The following CDH18 variants were observed in gnomAD, a reference collection of about 807,000 sequenced individuals.
The protein encoded by CDH18 is cadherin-18.
In CDH18, 31 loss-of-function variants were observed where a neutral mutation model predicts 67.9. That is an observed-to-expected ratio of 0.46 (90% CI 0.34 to 0.62). CDH18 has a LOEUF of 0.62. CDH18 is among the 20% of genes least tolerant of loss of function. CDH18 has a pLI of 0.01. For synonymous variants in CDH18, 362 were observed against 347.2 expected, an observed-to-expected ratio of 1.04 and a Z score of -0.48; for missense variants, 890 against 975.5, an observed-to-expected ratio of 0.91 and a Z score of 1.17.
intron 2 of CDH18, among the ~76,000 whole-genome samples, chr5:20,241,132 TAA>T (rs1242869178): frequency 1.3e-5 from 2 of 152,186 alleles, no homozygotes; most frequent in African/African-American, 2.4e-5. Flanking sequence ...AACACAAATA[TAA>T]AAAAGTGTCT....
intron 1 of CDH18, among the ~76,000 whole-genome samples, chr5:20,422,686 T>A (rs992751347): frequency 2.6e-5 from 4 of 151,142 alleles, no homozygotes; most frequent in Non-Finnish European, 5.9e-5. Context: ...TTAATGATAA[T>A]ATGTGGCATT....
chr5:19,658,332 T>A (rs1460920213), intron 5 of CDH18, among the ~76,000 whole-genome samples: 1 of 152,120 alleles, frequency 6.6e-6, no homozygotes, highest in Non-Finnish European at 1.5e-5. Context: ...AAATGATGAC[T>A]TACTGCAACA....
intron 2 of CDH18, among the ~76,000 whole-genome samples, chr5:20,102,079 C>A (rs183812211): frequency 6.6e-6 from 1 of 152,044 alleles, no homozygotes; most frequent in Admixed American, 6.6e-5. Flanking sequence ...TCGGAAAAAA[C>A]AAAAACAAAC....
intron 1 of CDH18, among the ~76,000 whole-genome samples, chr5:20,264,668 T>C (rs2126643394): frequency 6.6e-6 from 1 of 152,174 alleles, no homozygotes; most frequent in South Asian, 2.1e-4. Flanking sequence ...TATCTAAAGT[T>C]TTCTATATGA....
intron 2 of CDH18, among the ~76,000 whole-genome samples, chr5:20,190,893 T>G (rs1463083393): frequency 6.6e-6 from 1 of 152,114 alleles, no homozygotes; most frequent in Admixed American, 6.6e-5. Flanking sequence ...TAATAATCCT[T>G]TATGATCTAA....
At chr5:19,510,119 C>T (rs1301495913) in intron 10 of CDH18, among the ~76,000 whole-genome samples, 1 of 152,138 alleles carries the variant, frequency 6.6e-6, no homozygotes, top group Non-Finnish European at 1.5e-5. Flanking sequence ...AACAGTCACA[C>T]AGCCTGGCAA....
chr5:20,097,840 T>A (rs903903697), intron 2 of CDH18, among the ~76,000 whole-genome samples: 1 of 152,176 alleles, frequency 6.6e-6, no homozygotes, highest in Non-Finnish European at 1.5e-5. Context: ...ATATAAAAAT[T>A]ACTGTTGCAA....
Position 20,321,912 on chromosome 5 carries a change from C to T in CDH18, c.-579-66407G>A, listed in dbSNP as rs79769718. On this transcript the variant is annotated intron_variant, in intron 1 of 14. Transcript: ENST00000507958. ...CCTAACATGAGCAGAGCAAATCCTTCAGTTTTTACAAATTTGCCCAAAGCC... is the reference window on the plus strand; with the variant it reads ...CCTAACATGAGCAGAGCAAATCCTTTAGTTTTTACAAATTTGCCCAAAGCC... Among the ~76,000 whole-genome samples, 692 of 152,236 alleles carry T rather than the reference C, an allele frequency of 4.5e-3. 9 individuals are homozygous for T. The highest frequency in any genetic ancestry group is 0.016 in the African/African-American group (662 of 41,562).
intron 1 of CDH18, among the ~76,000 whole-genome samples, chr5:20,448,054 C>G (rs1292446817): frequency 6.6e-6 from 1 of 151,762 alleles, no homozygotes; most frequent in Non-Finnish European, 1.5e-5. Context: ...CGTCCCCTCT[C>G]CCCCCACCCC....
At chr5:19,546,514 T>G (rs547101778) in intron 8 of CDH18, among the ~76,000 whole-genome samples, 83 of 152,332 alleles carry the variant, frequency 5.4e-4, no homozygotes, top group African/African-American at 1.9e-3. Context: ...ACAGGGATGC[T>G]TCTTCCATTT....
intron 2 of CDH18, among the ~76,000 whole-genome samples, chr5:20,174,591 A>G (rs1185314219): frequency 6.6e-6 from 1 of 152,200 alleles, no homozygotes; most frequent in African/African-American, 2.4e-5. Context: ...ATGCTAATTT[A>G]AAGCCTTGAG....
chr5:20,024,248 T>C (rs1187847766), intron 2 of CDH18, among the ~76,000 whole-genome samples: 1 of 152,200 alleles, frequency 6.6e-6, no homozygotes, highest in Non-Finnish European at 1.5e-5. Flanking sequence ...GGCCAAAAAC[T>C]TTCTTTAGAG....
intron 1 of CDH18, among the ~76,000 whole-genome samples, chr5:20,412,778 T>C (rs1746902773): frequency 6.6e-6 from 1 of 152,220 alleles, no homozygotes; most frequent in South Asian, 2.1e-4. Context: ...AAAGCCACAA[T>C]GAGATACCAT....
At chr5:19,893,580 CTCTT>C (rs1442193115) in intron 2 of CDH18, among the ~76,000 whole-genome samples, 1 of 152,134 alleles carries the variant, frequency 6.6e-6, no homozygotes, top group Non-Finnish European at 1.5e-5. Flanking sequence ...CATTTTCTCT[CTCTT>C]TCTCTCTCTC....
intron 2 of CDH18, among the ~76,000 whole-genome samples, chr5:20,146,786 G>C (rs938690034): frequency 1.3e-5 from 2 of 151,818 alleles, no homozygotes; most frequent in Non-Finnish European, 2.9e-5. Context: ...TTCTGAAATA[G>C]TTTCCTTTTC....
chr5:19,498,303 T>G (rs751761219), intron 11 of CDH18, among the ~76,000 whole-genome samples: 50 of 152,196 alleles, frequency 3.3e-4, no homozygotes, highest in South Asian at 1.2e-3. Context: ...AAATAAAAAA[T>G]TAATGCCTCT....
At chr5:20,432,171 A>T (rs1748796299) in intron 1 of CDH18, among the ~76,000 whole-genome samples, 1 of 152,158 alleles carries the variant, frequency 6.6e-6, no homozygotes, top group Non-Finnish European at 1.5e-5. Flanking sequence ...GTATTTACTG[A>T]ATCAGTGAAA....
intron 4 of CDH18, among the ~76,000 whole-genome samples, chr5:19,746,497 T>C (rs959792904): frequency 5.9e-5 from 9 of 152,236 alleles, no homozygotes; most frequent in Non-Finnish European, 1.2e-4. Flanking sequence ...CAGCTATTAA[T>C]GGTATTATAA....
At chr5:20,489,155 C>A (rs1409468166) in intron 1 of CDH18, among the ~76,000 whole-genome samples, 1 of 151,998 alleles carries the variant, frequency 6.6e-6, no homozygotes, top group African/African-American at 2.4e-5. Flanking sequence ...ACTATACCAG[C>A]TATTTTTAAA....
Sources: allele counts gnomAD v4.1 joint callset (sites outside exome capture counted in the v4.1 genomes callset), GRCh38; gene constraint gnomAD v4.1.1; transcripts MANE v1.5; gene names NCBI Gene and HGNC (gene_info 2026-07-23, HGNC 2026-07-21).